ISYNA1: variants seen among roughly 807,000 people sequenced by gnomAD.
ISYNA1 encodes MI-1-P synthase.
In ISYNA1, 34 loss-of-function variants were observed where a neutral mutation model predicts 50.3. That is an observed-to-expected ratio of 0.68 (90% CI 0.51 to 0.90). The LOEUF (loss-of-function observed/expected upper bound fraction) is 0.90, where lower values mean the gene tolerates loss of function less well. ISYNA1 is among the 40% of genes least tolerant of loss of function. The pLI is 0.00. For synonymous variants in ISYNA1, 396 were observed against 349.9 expected (o/e 1.13, Z -1.47); for missense variants, 718 against 784.8 (o/e 0.91, Z 1.02).
chr19:18,436,655 G>A (rs763638072), intron 5 of ISYNA1, 29 bp downstream of exon 5: 2 of 1,582,358 alleles, frequency 1.3e-6, no homozygotes, highest in South Asian at 1.1e-5. Flanking sequence ...CAGGTGGCAG[G>A]AAGCAAGGGA....
Position 18,434,934 on chromosome 19 carries a change from C to T in ISYNA1, c.1656G>A (p.Glu552=). ...TGDANGHLQE[E]PPMPTT is the part of the protein sequence containing the mutation. ...GGCCTCAGGTGGTGGGCATTGGGGG[C>T]TCCTCTTGCAGATGCCCATTGGCAT... The change falls in exon 11 of 11, where the codon GAG becomes GAA. Residue 552 remains glutamate (E), a synonymous_variant. Coordinates refer to ENST00000338128, the MANE Select transcript of ISYNA1 (RefSeq NM_016368.5). 1.9e-6 allele frequency: 3 copies of T among 1,613,088 alleles called. No individual in the cohort carries two copies. The highest frequency in any genetic ancestry group is 2.5e-6 in the Non-Finnish European group (3 of 1,179,958).
Position 18,437,516 on chromosome 19 carries a change from G to A in ISYNA1, c.282+83C>T, listed in dbSNP as rs1301665362. ...CCTACAGCCCCCCTGGTCCCGCAGA[G>A]CCCCGCCCCCTGCAGGCTCCCGCCC... is the stretch of plus-strand genomic sequence containing the variant. On this transcript the variant is annotated intron_variant, in intron 3 of 10. Transcript: ENST00000338128. 1.3e-5 allele frequency: 9 copies of A among 683,610 alleles called. No homozygotes were observed. The African/African-American group carries it at 1.9e-4, about 14-fold the overall frequency. 42.3% of individuals were successfully genotyped at this position (683,610 alleles called of 1,614,324 possible). A position where few individuals can be genotyped will look rare whatever the true frequency, so the allele number is the denominator to read the frequency against.
chr19:18,437,131 T>C, intron 3 of ISYNA1, 26 bp from the exon 4 acceptor site: 1 of 1,547,116 alleles, frequency 6.5e-7, no homozygotes. Context: ...CACGGCGAGG[T>C]GACGGGTGGG....
Position 18,435,304 on chromosome 19 carries a change from C to T in ISYNA1, c.1434G>A (p.Ala478=), listed in dbSNP as rs912993736. 2 of 1,607,738 alleles carry T rather than the reference C, an allele frequency of 1.2e-6. No individual in the cohort carries two copies. The highest frequency in any genetic ancestry group is 1.7e-6 in the Non-Finnish European group (2 of 1,179,866). ...CGATGCAGCTGCGCTGGCGGAAAAGCGCATTGACCACCGGGCTGCCGGGCG... is the reference window on the plus strand; with the variant it reads ...CGATGCAGCTGCGCTGGCGGAAAAGTGCATTGACCACCGGGCTGCCGGGCG... The part of the protein sequence containing the change: ...LVPPGSPVVN[A]LFRQRSCIEN... Residue 478 remains alanine (A), a synonymous_variant, in exon 10 of 11, where the codon GCG becomes GCA. Coordinates refer to ENST00000338128, the MANE Select transcript of ISYNA1 (RefSeq NM_016368.5).
chr19:18,434,469 T>A lies in ISYNA1; in HGVS notation c.*444A>T, dbSNP rs1973853390. 1 of 926,640 alleles carries A rather than the reference T, an allele frequency of 1.1e-6. No homozygotes were observed. Among genetic ancestry groups the A allele is most frequent in the Non-Finnish European group, 1.5e-6 (1 of 672,526 alleles). The allele number at this position is 926,640 out of a possible 1,614,324, so 57.4% of individuals were successfully genotyped here. On this transcript the variant is annotated 3_prime_UTR_variant, in exon 11 of 11. Coordinates refer to ENST00000338128, the MANE Select transcript of ISYNA1 (RefSeq NM_016368.5). ...GACCCTTCCTGCCATTTGTATTTTG[T>A]CCCAGAGAGAAAGGCTCTTTGGGGG... is the stretch of plus-strand genomic sequence containing the variant.
At chr19:18,435,219 A>AG (rs35926638) in intron 10 of ISYNA1, 47 bp downstream of exon 10, 6 of 1,595,000 alleles carry the variant, frequency 3.8e-6, no homozygotes, top group Non-Finnish European at 5.1e-6. Flanking sequence ...TAGCTTAGCC[A>AG]GGGGGGTATC....
At position 18,436,481 on chromosome 19, in the gene ISYNA1, T is replaced by G; in HGVS notation, c.610-2A>C. On this transcript the variant is annotated splice_acceptor_variant, in intron 5 of 10. Transcript: ENST00000338128. LOFTEE classifies it high-confidence loss of function. Reference sequence around the variant, plus strand: ...GATGTCCCTGCGGATCTGCTCCAGCTGTGGGTTGGATGGTGAGGGTGTGGG... The same window carrying G: ...GATGTCCCTGCGGATCTGCTCCAGCGGTGGGTTGGATGGTGAGGGTGTGGG... 6.2e-7 allele frequency: 1 copy of G among 1,604,242 alleles called. No homozygotes were observed. The highest frequency in any genetic ancestry group is 8.5e-7 in the Non-Finnish European group (1 of 1,179,816).
rs1379280493 is a variant in ISYNA1, at chr19:18,434,392, C to CTT, written c.*519_*520dup. On this transcript the variant is annotated 3_prime_UTR_variant, in exon 11 of 11. Transcript: ENST00000338128. ...GCTGGGAGGCCCCACACGAAAGACT[C>CTT]TTACCATTTTATTAAAAACGCAAGG... 51 of 1,383,242 alleles carry CTT rather than the reference C, an allele frequency of 3.7e-5. No individual in the cohort carries two copies. The highest frequency in any genetic ancestry group is 4.3e-5 in the Non-Finnish European group (45 of 1,055,814). 85.7% of individuals were successfully genotyped at this position (1,383,242 alleles called of 1,614,324 possible).
At position 18,436,241 on chromosome 19, in the gene ISYNA1, G is replaced by T. The variant is rs761965694; in HGVS notation, c.766C>A (p.Leu256Met). Residue 256 changes from leucine (L) to methionine (M), a missense_variant, in exon 7 of 11, where the codon CTG becomes ATG. Coordinates refer to ENST00000338128, the MANE Select transcript of ISYNA1 (RefSeq NM_016368.5). ...ENLLRTIELG[L>M]EVSPSTLFAV... Reference sequence around the variant, plus strand: ...AAGAGCGTGGAGGGCGACACCTCCAGACCGAGCTGTGGGCAAGGCGGGCAG... The same window carrying T: ...AAGAGCGTGGAGGGCGACACCTCCATACCGAGCTGTGGGCAAGGCGGGCAG... 1 of 1,608,530 alleles carries T rather than the reference G, an allele frequency of 6.2e-7. No individual in the cohort carries two copies. The highest frequency in any genetic ancestry group is 1.7e-5 in the Admixed American group (1 of 60,010).
chr19:18,436,568 C>T, intron 5 of ISYNA1, 89 bp from the exon 6 acceptor site: 1 of 1,596,260 alleles, frequency 6.3e-7, no homozygotes, highest in Non-Finnish European at 8.5e-7. Context: ...GAGGCCTGGG[C>T]TACTCAGTTC....
rs748430870 is a variant in ISYNA1, at chr19:18,435,894, G to A, written c.1003C>T (p.Leu335=). Residue 335 remains leucine, a synonymous_variant, in exon 8 of 11, where the codon CTG becomes TTG. Transcript: ENST00000338128. ...KTMSIVSYNH[L]GNNDGENLSA... is the part of the protein sequence containing the mutation. The stretch of plus-strand genomic sequence containing the variant: ...AGGTTCTCCCCATCGTTGTTGCCCA[G>A]GTGGTTGTAACTCACGATGGACATG... 2.5e-6 allele frequency: 4 copies of A among 1,614,042 alleles called. No individual in the cohort carries two copies. The South Asian group carries it at 4.4e-5, about 18-fold the overall frequency.
At position 18,435,072 on chromosome 19, in the gene ISYNA1, G is replaced by A. The variant is rs1568363367; in HGVS notation, c.1518C>T (p.His506=). 1.2e-6 allele frequency: 2 copies of A among 1,613,622 alleles called. No individual in the cohort carries two copies. Among genetic ancestry groups the A allele is most frequent in the Non-Finnish European group, 1.7e-6 (2 of 1,179,984 alleles). ...LPPQNHMLLE[H]KMERPGPSLK... ...GGCTGGGCCCTGGGCGCTCCATTTTGTGTTCCAGGAGCATGTGGTTCTGTG... is the reference window on the plus strand; with the variant it reads ...GGCTGGGCCCTGGGCGCTCCATTTTATGTTCCAGGAGCATGTGGTTCTGTG... The change falls in exon 11 of 11, where the codon CAC becomes CAT. Residue 506 remains histidine (H), a synonymous_variant. Transcript: ENST00000338128.
Position 18,435,587 on chromosome 19 carries a change from T to C in ISYNA1, c.1230A>G (p.Thr410=). The C allele has an allele frequency of 6.2e-7, 1 of 1,609,092 alleles. No homozygotes were observed. The highest frequency in any genetic ancestry group is 8.5e-7 in the Non-Finnish European group (1 of 1,178,098). Residue 410 remains threonine (T), a synonymous_variant, in exon 9 of 11, where the codon ACA becomes ACG. Coordinates refer to ENST00000338128, the MANE Select transcript of ISYNA1 (RefSeq NM_016368.5). ...TSELMLGGTN[T]LVLHNTCEDS... is the part of the protein sequence containing the mutation. ...CCTCACACGTGTTGTGCAGCACCAG[T>C]GTGTTGGTTCCGCCCAGCATCAGCT...
At position 18,437,891 on chromosome 19, in the gene ISYNA1, G is replaced by C; in HGVS notation, c.89C>G (p.Thr30Arg). The change falls in exon 2 of 11, where the codon ACG becomes AGG. Residue 30 changes from threonine to arginine, a missense_variant. Physicochemically the swap from Thr to Arg is moderately conservative, Grantham distance 71. This residue lies in a region of ISYNA1 where 403 missense variants were observed against 466.6 expected (regional missense o/e 0.86). Coordinates refer to ENST00000338128, the MANE Select transcript of ISYNA1 (RefSeq NM_016368.5). ...AIEAQYEYRT[T>R]RVSREGGVLK... ...AACGCCACCCTCGCGGCTGACGCGC[G>C]TCGTCCGGTACTCGTATTGCGCCTC... 1 of 1,611,936 alleles carries C rather than the reference G, an allele frequency of 6.2e-7. No homozygotes were observed. The highest frequency in any genetic ancestry group is 8.5e-7 in the Non-Finnish European group (1 of 1,179,776).
rs1974010459 is a variant in ISYNA1 at position 18,436,155 on chromosome 19, C to G, written c.852G>C (p.Leu284=). The G allele has an allele frequency of 6.2e-7, 1 of 1,612,572 alleles. No homozygotes were observed. Among genetic ancestry groups the G allele is most frequent in the Non-Finnish European group, 8.5e-7 (1 of 1,179,990 alleles). The change falls in exon 7 of 11, where the codon CTG becomes CTC. Residue 284 remains leucine, a synonymous_variant. Transcript: ENST00000338128. ...AFLNGSPQNT[L]VPGALELAWQ... ...ACGCGAGCTCAAGAGCTCCGGGCAC[C>G]AGGGTGTTCTGCGGAGACCCATTGA...
intron 3 of ISYNA1, 169 bp downstream of exon 3, chr19:18,437,430 G>A: frequency 1.1e-6 from 1 of 937,086 alleles, no homozygotes; most frequent in Non-Finnish European, 1.4e-6. Flanking sequence ...GCCCACTACA[G>A]GCCTCCAGAC....
chr19:18,434,687 G>A lies in ISYNA1; in HGVS notation c.*226C>T. 1.7e-6 allele frequency: 1 copy of A among 588,408 alleles called. No homozygotes were observed. Among genetic ancestry groups the A allele is most frequent in the Non-Finnish European group, 3.0e-6 (1 of 331,010 alleles). The allele number at this position is 588,408 out of a possible 1,614,324, so 36.4% of individuals were successfully genotyped here. A position where few individuals can be genotyped will look rare whatever the true frequency, so the allele number is the denominator to read the frequency against. ...GGGGCAGAGCGAGGCTCCAGGTTCT[G>A]GGCTCTCCCTGGGAGTTGGGGTGAT... is the stretch of plus-strand genomic sequence containing the variant. On this transcript the variant is annotated 3_prime_UTR_variant, in exon 11 of 11. Transcript: ENST00000338128.
rs1442757954 is a variant in ISYNA1, at chr19:18,436,989, G to A, written c.399C>T (p.Asn133=). 6.2e-7 allele frequency: 1 copy of A among 1,609,116 alleles called. No individual in the cohort carries two copies. Among genetic ancestry groups the A allele is most frequent in the African/African-American group, 1.3e-5 (1 of 74,548 alleles). The change falls in exon 4 of 11, where the codon AAC becomes AAT. Residue 133 remains asparagine (N), a synonymous_variant. Transcript: ENST00000338128. ...FSAVLPMVAP[N]DLVFDGWDIS... is the part of the protein sequence containing the mutation. ...TCCGCCCACCATCGAACACGAGGTCGTTGGGCGCCACCATGGGCAGCACCG... is the reference window on the plus strand; with the variant it reads ...TCCGCCCACCATCGAACACGAGGTCATTGGGCGCCACCATGGGCAGCACCG...
rs1190133217 is a variant in ISYNA1, at chr19:18,435,949, C to T, written c.976-28G>A. 3.7e-6 allele frequency: 6 copies of T among 1,613,356 alleles called. No individual in the cohort carries two copies. In the East Asian group the frequency reaches 1.1e-4, roughly 30 times the overall value. On this transcript the variant is annotated intron_variant, in intron 7 of 10. Transcript: ENST00000338128. ...GTGGGTACAAGGGAAGCCCCAGCAG[C>T]TGCAGGCCCTGCGGCCCCACAAGCC...
Sources: allele counts gnomAD v4.1 joint callset, GRCh38; gene constraint gnomAD v4.1.1; regional missense constraint gnomAD v4.1.1; transcripts MANE v1.5; gene names NCBI Gene and HGNC (gene_info 2026-07-23, HGNC 2026-07-21).